The following EYS variants were observed in gnomAD, a reference collection of about 807,000 sequenced individuals.
EYS encodes protein eyes shut homolog.
In EYS, 250 loss-of-function variants were observed where a neutral mutation model predicts 282.1. The ratio of observed to expected loss-of-function variants is 0.89; its 90% CI spans 0.80 to 0.98. EYS has a LOEUF of 0.98. Among genes scored for constraint, EYS ranks in the 50% least tolerant of loss-of-function variants. The pLI is 0.00. For missense variants in EYS, 4,016 were observed against 3,709.0 expected, an observed-to-expected ratio of 1.08 and a Z score of -2.15; for synonymous variants, 1,355 against 1,282.9, an observed-to-expected ratio of 1.06 and a Z score of -1.20.
intron 4 of EYS, among the ~76,000 whole-genome samples, chr6:65,492,321 G>GAAGA (rs370825508): frequency 0.35 from 35,042 of 99,408 alleles, 4,253 homozygotes; most frequent in Admixed American, 0.44. Flanking sequence ...GAGAAAGAAA[G>GAAGA]AAGAAAGAAA....
rs1339858929 is a variant in EYS, at chr6:65,002,753, C to A, written c.2138-5050G>T. ...ACAGAGGGACCGGCTGAAGCCATGG[C>A]AGAAGAACGTAGATTGTGAAGATTT... On this transcript the variant is annotated intron_variant, in intron 13 of 42. Transcript: ENST00000503581. Among the ~76,000 whole-genome samples the A allele has an allele frequency of 1.4e-5, 2 of 147,698 alleles. 1 individual carries two copies. The highest frequency in any genetic ancestry group is 3.0e-5 in the Non-Finnish European group (2 of 65,968).
At chr6:63,895,049 AG>A (rs1773501764) in intron 35 of EYS, among the ~76,000 whole-genome samples, 1 of 152,092 alleles carries the variant, frequency 6.6e-6, no homozygotes, top group Admixed American at 6.5e-5. Flanking sequence ...ACCTAAGTCA[AG>A]TCCCTGAGGC....
intron 19 of EYS, among the ~76,000 whole-genome samples, chr6:64,837,079 T>C (rs1181706676): frequency 2.6e-5 from 4 of 151,722 alleles, no homozygotes; most frequent in Admixed American, 2.0e-4. Flanking sequence ...ATAAAACTAA[T>C]AATAAATCCA....
At chr6:63,827,988 G>A (rs1771522600) in intron 36 of EYS, among the ~76,000 whole-genome samples, 1 of 151,994 alleles carries the variant, frequency 6.6e-6, no homozygotes, top group Non-Finnish European at 1.5e-5. Flanking sequence ...TCCAGAATGA[G>A]TATTTGATAA....
intron 2 of EYS, among the ~76,000 whole-genome samples, chr6:65,512,349 G>A (rs1490924585): frequency 2.0e-5 from 3 of 151,786 alleles, no homozygotes; most frequent in East Asian, 2.0e-4. Flanking sequence ...AAAATTAGCC[G>A]GGTGTGGCGA....
At chr6:65,460,006 A>G (rs1419363150) in intron 5 of EYS, among the ~76,000 whole-genome samples, 4 of 96,220 alleles carry the variant, frequency 4.2e-5, no homozygotes, top group South Asian at 3.1e-4. Context: ...ATATATATAT[A>G]TAATTTTATT....
chr6:64,484,276 G>C lies in EYS; in HGVS notation c.5645-44924C>G, dbSNP rs867341397. On this transcript the variant is annotated intron_variant, in intron 26 of 42. Transcript: ENST00000503581. Reference sequence around the variant, plus strand: ...TTCACCCAATACTGGCTGTGTACAAGCCTACTAAACAAAGTCAGATTATGT... The same window carrying C: ...TTCACCCAATACTGGCTGTGTACAACCCTACTAAACAAAGTCAGATTATGT... Among the ~76,000 whole-genome samples the C allele has an allele frequency of 2.6e-5, 4 of 151,636 alleles. No homozygotes were observed. In the Middle Eastern group the frequency reaches 0.01, roughly 387 times the overall value.
intron 31 of EYS, among the ~76,000 whole-genome samples, chr6:64,210,280 T>G (rs1250246042): frequency 6.6e-6 from 1 of 152,160 alleles, no homozygotes. Flanking sequence ...ACTGAGTAGC[T>G]TAAAAAATAT....
chr6:64,151,300 C>CGTGT (rs375311887), intron 31 of EYS, among the ~76,000 whole-genome samples: 2 of 99,236 alleles, frequency 2.0e-5, no homozygotes, highest in East Asian at 3.3e-4. Context: ...TGTTTTCACA[C>CGTGT]GTGTGTGTGT....
chr6:64,762,219 C>CTTTGTAATGGTTGTCA (rs1342492198), intron 22 of EYS, among the ~76,000 whole-genome samples: 8 of 152,050 alleles, frequency 5.3e-5, no homozygotes, highest in African/African-American at 1.9e-4. Context: ...TTAAAAATGA[C>CTTTGTAATGGTTGTCA]TTTGTAATGG....
intron 31 of EYS, among the ~76,000 whole-genome samples, chr6:64,180,379 C>T (rs911962800): frequency 1.3e-5 from 2 of 152,124 alleles, no homozygotes; most frequent in Admixed American, 6.6e-5. Context: ...GTTCTAACAC[C>T]TACTACCGAC....
At position 64,793,470 on chromosome 6, in the gene EYS, G is replaced by A. The variant is rs1371808133; in HGVS notation, c.3443+19908C>T. Among the ~76,000 whole-genome samples the A allele has an allele frequency of 3.3e-5, 5 of 152,220 alleles. No homozygotes were observed. In the South Asian group the frequency reaches 1.0e-3, roughly 32 times the overall value. ...AATGTAAAAACATTGAGTTCCGTTA[G>A]CAGATGAAAAAAATGCTCAAATGCA... On this transcript the variant is annotated intron_variant, in intron 22 of 42. Coordinates refer to ENST00000503581, the MANE Select transcript of EYS (RefSeq NM_001142800.2).
intron 31 of EYS, among the ~76,000 whole-genome samples, chr6:64,129,763 G>A (rs538629576): frequency 6.6e-6 from 1 of 152,084 alleles, no homozygotes; most frequent in African/African-American, 2.4e-5. Flanking sequence ...TATGGTTTTA[G>A]GTCTAACATG....
chr6:64,584,906 T>C (rs1766183879), intron 26 of EYS, among the ~76,000 whole-genome samples: 1 of 152,152 alleles, frequency 6.6e-6, no homozygotes, highest in Admixed American at 6.6e-5. Context: ...AATTTTGCTT[T>C]CACAGTTAAA....
chr6:65,277,494 C>G (rs894284387), intron 12 of EYS, among the ~76,000 whole-genome samples: 2 of 151,050 alleles, frequency 1.3e-5, no homozygotes, highest in African/African-American at 2.4e-5. Flanking sequence ...TCCTCTTCTG[C>G]TATGTGAGGA....
intron 26 of EYS, among the ~76,000 whole-genome samples, chr6:64,475,988 G>A (rs1029502397): frequency 6.6e-6 from 1 of 152,076 alleles, no homozygotes; most frequent in Admixed American, 6.6e-5. Context: ...ACCGTGTCTT[G>A]CTATGTTGTC....
chr6:64,340,862 T>C (rs903358908), intron 29 of EYS, among the ~76,000 whole-genome samples: 2 of 151,562 alleles, frequency 1.3e-5, no homozygotes, highest in African/African-American at 4.8e-5. Flanking sequence ...CTTAAAGAAA[T>C]CAACAAGCAA....
At chr6:64,726,948 G>A (rs1014956193) in intron 22 of EYS, among the ~76,000 whole-genome samples, 2 of 152,068 alleles carry the variant, frequency 1.3e-5, no homozygotes, top group African/African-American at 4.8e-5. Flanking sequence ...TTGCAACTGA[G>A]CATGCATGTG....
intron 35 of EYS, among the ~76,000 whole-genome samples, chr6:63,933,399 G>A (rs1379473632): frequency 1.3e-5 from 2 of 152,048 alleles, no homozygotes; most frequent in Non-Finnish European, 2.9e-5. Context: ...TAGAGATGGG[G>A]TTTCACCATG....
Sources: gnomAD v4.1 joint callset for allele counts (sites outside exome capture counted in the v4.1 genomes callset) on GRCh38, gnomAD v4.1.1 for gene constraint, MANE v1.5 for transcripts, NCBI Gene and HGNC (gene_info 2026-07-23, HGNC 2026-07-21) for gene names.